Variants in VAV3 observed in about 807,000 individuals in gnomAD.
VAV3 encodes guanine nucleotide exchange factor VAV3.
In VAV3, 94 loss-of-function variants were observed where a neutral mutation model predicts 131.2. The observed-to-expected ratio is 0.72, with a 90% confidence interval of 0.61 to 0.85. VAV3 has a LOEUF of 0.85. Ranked by LOEUF, VAV3 falls within the 40% of genes least tolerant of loss-of-function variation. The probability of loss-of-function intolerance (pLI) is 0.00; values close to 1 mark genes in which losing one functional copy is unlikely to be tolerated. For missense variants in VAV3, 939 were observed against 1,002.7 expected, an observed-to-expected ratio of 0.94 and a Z score of 0.86; for synonymous variants, 349 against 342.0, an observed-to-expected ratio of 1.02 and a Z score of -0.22.
chr1:107,778,743 C>T (rs554456301), intron 3 of VAV3, among the ~76,000 whole-genome samples: 35 of 152,180 alleles, frequency 2.3e-4, no homozygotes, highest in Non-Finnish European at 4.4e-4. Flanking sequence ...AAATTTGATC[C>T]ATTTCCATGA....
In VAV3 at chr1:107,741,404, G is replaced by C. The variant is rs188722247; in HGVS notation, c.1502+7564C>G. 1.2e-4 allele frequency among the ~76,000 whole-genome samples: 19 copies of C among 152,334 alleles called. No individual in the cohort carries two copies. In the East Asian group the frequency reaches 3.5e-3, roughly 28 times the overall value. On this transcript the variant is annotated intron_variant, in intron 15 of 26. Coordinates refer to ENST00000370056, the MANE Select transcript of VAV3 (RefSeq NM_006113.5). Reference sequence around the variant, plus strand: ...CTGACTAGCCGCTCCCTGAAGGGGTGGTGAGGCAAGGGGTGCTGGTCCTCT... The same window carrying C: ...CTGACTAGCCGCTCCCTGAAGGGGTCGTGAGGCAAGGGGTGCTGGTCCTCT...
intron 2 of VAV3, among the ~76,000 whole-genome samples, chr1:107,864,382 G>A (rs180729824): frequency 2.0e-5 from 3 of 152,208 alleles, no homozygotes; most frequent in African/African-American, 4.8e-5. Context: ...AGCACTTTGG[G>A]AGGCTGAGGT....
chr1:107,896,502 T>C (rs955962289), intron 1 of VAV3, among the ~76,000 whole-genome samples: 3 of 152,218 alleles, frequency 2.0e-5, no homozygotes, highest in Non-Finnish European at 2.9e-5. Flanking sequence ...AAAAAACTTA[T>C]ATAAAGACTT....
chr1:107,770,147 C>CAATCAGA (rs2102178532), intron 6 of VAV3, among the ~76,000 whole-genome samples: 2 of 152,182 alleles, frequency 1.3e-5, no homozygotes, highest in South Asian at 4.2e-4. Context: ...GAACACTTTC[C>CAATCAGA]AATCAGAGGG....
At chr1:107,731,049 T>A (rs1167732829) in intron 15 of VAV3, among the ~76,000 whole-genome samples, 1 of 152,198 alleles carries the variant, frequency 6.6e-6, no homozygotes, top group African/African-American at 2.4e-5. Flanking sequence ...CCAAAAATGC[T>A]TTGGAAACTA....
chr1:107,764,796 T>C (rs1664645340), intron 9 of VAV3, among the ~76,000 whole-genome samples: 1 of 152,310 alleles, frequency 6.6e-6, no homozygotes, highest in African/African-American at 2.4e-5. Context: ...ACTTCAGCTT[T>C]CTCATAAGAT....
intron 2 of VAV3, among the ~76,000 whole-genome samples, chr1:107,816,633 C>G (rs1667571948): frequency 6.6e-6 from 1 of 152,176 alleles, no homozygotes; most frequent in Non-Finnish European, 1.5e-5. Context: ...TCTCTTGACT[C>G]ATTTATTTTT....
At chr1:107,617,687 C>A (rs574802429) in intron 20 of VAV3, 55 bp from the exon 21 acceptor site, 6 of 1,450,944 alleles carry the variant, frequency 4.1e-6, no homozygotes, top group Middle Eastern at 1.7e-4. Context: ...CAAATGATAA[C>A]CCCATGATGC....
intron 6 of VAV3, among the ~76,000 whole-genome samples, chr1:107,768,790 T>A (rs557071669): frequency 6.6e-6 from 1 of 152,216 alleles, no homozygotes; most frequent in African/African-American, 2.4e-5. Context: ...AACATTATTG[T>A]CTGAGTTGCC....
intron 25 of VAV3, among the ~76,000 whole-genome samples, chr1:107,575,241 T>C (rs1649562485): frequency 6.6e-6 from 1 of 152,192 alleles, no homozygotes; most frequent in African/African-American, 2.4e-5. Context: ...CATCGGAGGT[T>C]GGTGAAACTT....
chr1:107,873,471 A>AT (rs1034980202), intron 2 of VAV3, among the ~76,000 whole-genome samples: 2 of 152,120 alleles, frequency 1.3e-5, no homozygotes, highest in East Asian at 1.9e-4. Context: ...ATCAAGGAAG[A>AT]TTTTTTTAAA....
At chr1:107,724,483 A>T (rs183763717) in intron 15 of VAV3, among the ~76,000 whole-genome samples, 58 of 152,340 alleles carry the variant, frequency 3.8e-4, no homozygotes, top group African/African-American at 1.3e-3. Flanking sequence ...GGGACAAAAA[A>T]TACATGGCCT....
chr1:107,941,978 A>C (rs1391278461), intron 1 of VAV3, among the ~76,000 whole-genome samples: 1 of 152,102 alleles, frequency 6.6e-6, no homozygotes, highest in East Asian at 1.9e-4. Flanking sequence ...AGCCAGCCCT[A>C]GACTGTCTCC....
At chr1:107,859,590 A>G (rs2100980391) in intron 2 of VAV3, among the ~76,000 whole-genome samples, 1 of 152,304 alleles carries the variant, frequency 6.6e-6, no homozygotes, top group African/African-American at 2.4e-5. Context: ...TTCCACACTG[A>G]ATGCAAGCCA....
chr1:107,810,437 T>C lies in VAV3; in HGVS notation c.322-30945A>G, dbSNP rs527986070. On this transcript the variant is annotated intron_variant, in intron 2 of 26. Transcript: ENST00000370056. Reference sequence around the variant, plus strand: ...AACTGAGCAAGTCCCTTTCCAGTCATACTTTCAATTCCACATACTCTATTT... The same window carrying C: ...AACTGAGCAAGTCCCTTTCCAGTCACACTTTCAATTCCACATACTCTATTT... Among the ~76,000 whole-genome samples the C allele has an allele frequency of 4.6e-5, 7 of 151,386 alleles. No homozygotes were observed. The East Asian group carries it at 7.8e-4, about 17-fold the overall frequency.
chr1:107,720,384 AAAATAAAT>A (rs35673194), intron 15 of VAV3, among the ~76,000 whole-genome samples: 1,671 of 102,542 alleles, frequency 0.016, 40 homozygotes, highest in African/African-American at 0.051. Context: ...CACTGTCTCA[AAAATAAAT>A]AAATAAATAA....
chr1:107,898,030 G>A (rs1413610364), intron 1 of VAV3, among the ~76,000 whole-genome samples: 8 of 151,734 alleles, frequency 5.3e-5, no homozygotes, highest in Non-Finnish European at 1.2e-4. Flanking sequence ...TAGGTAAAAT[G>A]TTTTGTTCTC....
chr1:107,861,053 A>C (rs889565468), intron 2 of VAV3, among the ~76,000 whole-genome samples: 1 of 151,722 alleles, frequency 6.6e-6, no homozygotes, highest in Non-Finnish European at 1.5e-5. Context: ...TTCATTATCC[A>C]TAACTGGATC....
intron 17 of VAV3, 26 bp from the exon 18 acceptor site, chr1:107,688,432 T>C (rs1659188036): frequency 6.2e-7 from 1 of 1,613,206 alleles, no homozygotes; most frequent in Admixed American, 1.7e-5. Flanking sequence ...AAATTGGCAT[T>C]GTCAGTGTAA....
Sources: gnomAD v4.1 joint callset for allele counts (sites outside exome capture counted in the v4.1 genomes callset) on GRCh38, gnomAD v4.1.1 for gene constraint, MANE v1.5 for transcripts, NCBI Gene and HGNC (gene_info 2026-07-23, HGNC 2026-07-21) for gene names.